Variants in FBXL7 observed in about 807,000 individuals in gnomAD.
FBXL7 encodes the protein F-box and leucine rich repeat protein 7.
In FBXL7, 12 loss-of-function variants were observed where a neutral mutation model predicts 38.3. That is an observed-to-expected ratio of 0.31 (90% confidence interval 0.20 to 0.51). The LOEUF is 0.51. Among genes scored for constraint, FBXL7 ranks in the 20% least tolerant of loss-of-function variants. The pLI is 0.98. For synonymous variants in FBXL7, 297 were observed against 300.9 expected (o/e 0.99, Z 0.13); for missense variants, 567 against 676.4 (o/e 0.84, Z 1.79).
At chr5:15,717,689 G>C (rs1744080676) in intron 2 of FBXL7, among the ~76,000 whole-genome samples, 1 of 152,278 alleles carries the variant, frequency 6.6e-6, no homozygotes, top group East Asian at 1.9e-4. Context: ...TTGCTGTGTT[G>C]TATATCGGCC....
At chr5:15,638,076 T>C (rs1017086877) in intron 2 of FBXL7, among the ~76,000 whole-genome samples, 5 of 152,176 alleles carry the variant, frequency 3.3e-5, no homozygotes, top group Non-Finnish European at 7.4e-5. Flanking sequence ...GAAGATGCAT[T>C]TGATGCCAAT....
In FBXL7 at chr5:15,938,905, C is replaced by A. The variant is rs571471959; in HGVS notation, c.*1719C>A. The A allele has an allele frequency of 1.1e-4, 43 of 398,730 alleles. No homozygotes were observed. The highest frequency in any genetic ancestry group is 1.0e-3 in the South Asian group (8 of 7,754). The allele number at this position is 398,730 out of a possible 1,614,324, so 24.7% of individuals were successfully genotyped here. A position where few individuals can be genotyped will look rare whatever the true frequency, so the allele number is the denominator to read the frequency against. The stretch of plus-strand genomic sequence containing the variant: ...CCCAGATTATTCTCTAGCCAAGCCC[C>A]ACCTTTGTTACGTTGAAATCCCTCA... On this transcript the variant is annotated 3_prime_UTR_variant, in exon 4 of 4. Coordinates refer to ENST00000504595, the MANE Select transcript of FBXL7 (RefSeq NM_012304.5).
chr5:15,810,839 T>A (rs1737841817), intron 2 of FBXL7, among the ~76,000 whole-genome samples: 1 of 152,232 alleles, frequency 6.6e-6, no homozygotes, highest in South Asian at 2.1e-4. Flanking sequence ...CTTATTTATT[T>A]TGTATTTTCA....
At chr5:15,904,233 C>T (rs781378628) in intron 2 of FBXL7, among the ~76,000 whole-genome samples, 11 of 152,116 alleles carry the variant, frequency 7.2e-5, no homozygotes, top group Admixed American at 1.3e-4. Context: ...TGTTCCTACT[C>T]GGTTATCTGT....
chr5:15,581,846 C>T (rs959776957), intron 1 of FBXL7, among the ~76,000 whole-genome samples: 3 of 152,094 alleles, frequency 2.0e-5, no homozygotes, highest in African/African-American at 4.8e-5. Context: ...TAGTTTCTGT[C>T]AGATACCCGG....
chr5:15,645,172 T>A (rs1741491876), intron 2 of FBXL7, among the ~76,000 whole-genome samples: 1 of 152,174 alleles, frequency 6.6e-6, no homozygotes, highest in African/African-American at 2.4e-5. Flanking sequence ...TTACACCCTT[T>A]ATGTCAATTG....
chr5:15,791,955 C>T (rs971022765), intron 2 of FBXL7, among the ~76,000 whole-genome samples: 1 of 152,106 alleles, frequency 6.6e-6, no homozygotes, highest in African/African-American at 2.4e-5. Context: ...AAGCTGATTC[C>T]CAAGAGTGTC....
intron 2 of FBXL7, among the ~76,000 whole-genome samples, chr5:15,914,066 T>G (rs1741516365): frequency 6.6e-6 from 1 of 152,020 alleles, no homozygotes; most frequent in South Asian, 2.1e-4. Context: ...TTATTGTGAG[T>G]TTTCAGGTAT....
intron 2 of FBXL7, among the ~76,000 whole-genome samples, chr5:15,637,968 G>A (rs562444387): frequency 5.0e-4 from 76 of 152,262 alleles, no homozygotes; most frequent in Non-Finnish European, 9.6e-4. Context: ...GGAAGTATAA[G>A]CTCCTGACAA....
chr5:15,821,620 C>T (rs1184726860), intron 2 of FBXL7, among the ~76,000 whole-genome samples: 1 of 152,182 alleles, frequency 6.6e-6, no homozygotes, highest in Non-Finnish European at 1.5e-5. Context: ...TATTCTTTCT[C>T]TTATCTGAGG....
chr5:15,588,057 A>G (rs1263826463), intron 1 of FBXL7, among the ~76,000 whole-genome samples: 1 of 152,144 alleles, frequency 6.6e-6, no homozygotes, highest in Non-Finnish European at 1.5e-5. Context: ...CTCATTTTGC[A>G]TCAGATTTAA....
chr5:15,556,947 T>G (rs1487628245), intron 1 of FBXL7, among the ~76,000 whole-genome samples: 1 of 152,176 alleles, frequency 6.6e-6, no homozygotes, highest in South Asian at 2.1e-4. Context: ...AGCCAGATTG[T>G]GGTTTTTTTT....
At chr5:15,933,022 T>G (rs2126467874) in intron 3 of FBXL7, among the ~76,000 whole-genome samples, 1 of 152,248 alleles carries the variant, frequency 6.6e-6, no homozygotes, top group African/African-American at 2.4e-5. Context: ...GAGCCTGCGA[T>G]GCTTCATCTT....
intron 1 of FBXL7, among the ~76,000 whole-genome samples, chr5:15,577,418 G>A (rs1739001833): frequency 6.6e-6 from 1 of 152,182 alleles, no homozygotes; most frequent in Non-Finnish European, 1.5e-5. Context: ...TATGGAAAGT[G>A]TCTATGTGAC....
At chr5:15,932,978 TG>T (rs1412797078) in intron 3 of FBXL7, among the ~76,000 whole-genome samples, 1 of 152,166 alleles carries the variant, frequency 6.6e-6, no homozygotes, top group Non-Finnish European at 1.5e-5. Context: ...GAAACTTATC[TG>T]TAGTCTGGTT....
intron 2 of FBXL7, among the ~76,000 whole-genome samples, chr5:15,843,872 A>G (rs1361806879): frequency 6.6e-6 from 1 of 151,148 alleles, no homozygotes; most frequent in Non-Finnish European, 1.5e-5. Flanking sequence ...TTTAAGCTTT[A>G]TATTTACATA....
At chr5:15,860,383 T>C (rs1455258524) in intron 2 of FBXL7, among the ~76,000 whole-genome samples, 2 of 152,216 alleles carry the variant, frequency 1.3e-5, no homozygotes, top group Admixed American at 1.3e-4. Context: ...GCCCTCTGGC[T>C]GTCCTGCTTG....
chr5:15,930,138 T>C (rs933275438), intron 3 of FBXL7, among the ~76,000 whole-genome samples: 2 of 152,162 alleles, frequency 1.3e-5, no homozygotes, highest in African/African-American at 4.8e-5. Context: ...AGCAGCCATA[T>C]GTTCAGTTAG....
chr5:15,677,294 A>G (rs1458840928), intron 2 of FBXL7, among the ~76,000 whole-genome samples: 1 of 152,056 alleles, frequency 6.6e-6, no homozygotes, highest in Non-Finnish European at 1.5e-5. Flanking sequence ...ACATGGTGAA[A>G]CCCTGTCTCT....
Sources: gnomAD v4.1 joint callset for allele counts (sites outside exome capture counted in the v4.1 genomes callset) on GRCh38, gnomAD v4.1.1 for gene constraint, MANE v1.5 for transcripts, NCBI Gene and HGNC (gene_info 2026-07-23, HGNC 2026-07-21) for gene names.